The following HIKESHI variants were observed in gnomAD, a reference collection of about 807,000 sequenced individuals.
HIKESHI encodes protein Hikeshi.
Under a neutral mutation model 25.7 loss-of-function variants are expected in HIKESHI, and 13 were observed. That is an observed-to-expected ratio of 0.51 (90% confidence interval 0.33 to 0.80). The LOEUF (loss-of-function observed/expected upper bound fraction) is 0.80. Ranked by LOEUF, HIKESHI falls within the 30% of genes least tolerant of loss-of-function variation. The pLI, the probability that HIKESHI is intolerant of heterozygous loss-of-function variation, is 0.02. For synonymous variants in HIKESHI, 76 were observed against 78.7 expected (o/e 0.97, Z 0.18); for missense variants, 174 against 229.5 (o/e 0.76, Z 1.56).
intron 2 of HIKESHI, among the ~76,000 whole-genome samples, chr11:86,321,478 T>C (rs1209535011): frequency 6.6e-6 from 1 of 152,188 alleles, no homozygotes; most frequent in Non-Finnish European, 1.5e-5. Context: ...AGTAATTAAA[T>C]GTTTTACCTT....
chr11:86,316,985 G>T (rs1195052000), intron 2 of HIKESHI, among the ~76,000 whole-genome samples: 1 of 151,406 alleles, frequency 6.6e-6, no homozygotes, highest in Admixed American at 6.6e-5. Flanking sequence ...GTAGAGGCAG[G>T]GTTCCACCTT....
At chr11:86,336,613 T>C (rs886945733) in intron 2 of HIKESHI, among the ~76,000 whole-genome samples, 6 of 152,196 alleles carry the variant, frequency 3.9e-5, no homozygotes, top group African/African-American at 1.2e-4. Flanking sequence ...AAATTTCCGA[T>C]GTTTATAAGC....
intron 2 of HIKESHI, among the ~76,000 whole-genome samples, chr11:86,313,482 T>G (rs1234151738): frequency 6.6e-6 from 1 of 152,188 alleles, no homozygotes; most frequent in Non-Finnish European, 1.5e-5. Context: ...TCCACCCACC[T>G]CAGCCTCCCA....
At chr11:86,319,241 TA>T (rs1322051542) in intron 2 of HIKESHI, among the ~76,000 whole-genome samples, 2,435 of 83,466 alleles carry the variant, frequency 0.029, 31 homozygotes, top group African/African-American at 0.05. Context: ...TATATATATA[TA>T]TTTTTTTTTT....
intron 2 of HIKESHI, among the ~76,000 whole-genome samples, chr11:86,331,014 T>C (rs1327034202): frequency 6.6e-6 from 1 of 152,188 alleles, no homozygotes; most frequent in Non-Finnish European, 1.5e-5. Context: ...GACCTTTAAT[T>C]ACAGAGGAGA....
chr11:86,344,773 T>G lies in HIKESHI; in HGVS notation c.539+52T>G, dbSNP rs112125595. On this transcript the variant is annotated intron_variant, in intron 4 of 4. Transcript: ENST00000278483. ...TTAAGGCTTTTTATAACTGAATATCTATTTTGTCTATGAATATATTCCTTT... is the reference window on the plus strand; with the variant it reads ...TTAAGGCTTTTTATAACTGAATATCGATTTTGTCTATGAATATATTCCTTT... 7.3e-4 allele frequency: 853 copies of G among 1,162,864 alleles called. 4 individuals are homozygous for G. The African/African-American group carries it at 0.012, about 16-fold the overall frequency. The allele number at this position is 1,162,864 out of a possible 1,614,324, so 72.0% of individuals were successfully genotyped here. A position where few individuals can be genotyped will look rare whatever the true frequency, so the allele number is the denominator to read the frequency against.
intron 1 of HIKESHI, among the ~76,000 whole-genome samples, chr11:86,304,333 A>C (rs1015512381): frequency 1.3e-5 from 2 of 152,126 alleles, no homozygotes; most frequent in Admixed American, 1.3e-4. Context: ...GCCTTCTTGC[A>C]CTTAGGAAGA....
chr11:86,339,145 A>C (rs1947649878), intron 3 of HIKESHI, among the ~76,000 whole-genome samples: 8 of 152,136 alleles, frequency 5.3e-5, no homozygotes, highest in Admixed American at 5.2e-4. Flanking sequence ...TCCTGGGTTC[A>C]CGCCATTCTC....
intron 2 of HIKESHI, among the ~76,000 whole-genome samples, chr11:86,322,722 T>A (rs933512437): frequency 1.3e-5 from 2 of 152,226 alleles, no homozygotes. Flanking sequence ...GAGGTTTTAA[T>A]AGTTTTAGAT....
chr11:86,344,102 T>G (rs2138437359), intron 3 of HIKESHI: 1 of 152,408 alleles, frequency 6.6e-6, no homozygotes, highest in Middle Eastern at 3.4e-3. Flanking sequence ...ATGTAAACTC[T>G]TATCTTTCTG....
At chr11:86,337,669 T>C (rs1396323578) in intron 3 of HIKESHI, 139 bp downstream of exon 3, 3 of 1,056,860 alleles carry the variant, frequency 2.8e-6, no homozygotes, top group Non-Finnish European at 2.6e-6. Flanking sequence ...TTTTATTTTG[T>C]TTTTGAGAGA....
intron 3 of HIKESHI, among the ~76,000 whole-genome samples, chr11:86,339,284 G>A (rs1947656890): frequency 6.6e-6 from 1 of 152,258 alleles, no homozygotes; most frequent in East Asian, 1.9e-4. Flanking sequence ...TCCTGACCTC[G>A]TTATCCGCCT....
intron 3 of HIKESHI, among the ~76,000 whole-genome samples, chr11:86,338,375 G>C (rs1291052475): frequency 6.6e-6 from 1 of 152,022 alleles, no homozygotes; most frequent in African/African-American, 2.4e-5. Context: ...TCCTTGAGTA[G>C]AAAATAGCAG....
At position 86,327,535 on chromosome 11, in the gene HIKESHI, C is replaced by T. The variant is rs148575981; in HGVS notation, c.269-9844C>T. ...TTCGCCTTCTTAGCCAGGATGGTCTCGATCTCCTGACCTCGTGATCCACTC... is the reference window on the plus strand; with the variant it reads ...TTCGCCTTCTTAGCCAGGATGGTCTTGATCTCCTGACCTCGTGATCCACTC... On this transcript the variant is annotated intron_variant, in intron 2 of 4. Coordinates refer to ENST00000278483, the MANE Select transcript of HIKESHI (RefSeq NM_016401.4). Among the ~76,000 whole-genome samples, 705 of 152,124 alleles carry T rather than the reference C, an allele frequency of 4.6e-3. 5 individuals carry two copies. Among genetic ancestry groups the T allele is most frequent in the African/African-American group, 0.016 (665 of 41,504 alleles).
intron 2 of HIKESHI, among the ~76,000 whole-genome samples, chr11:86,308,251 A>G (rs1565720431): frequency 8.7e-6 from 1 of 114,972 alleles, no homozygotes; most frequent in African/African-American, 3.9e-5. Context: ...TATAAAATAT[A>G]TATTACATAT....
intron 1 of HIKESHI, chr11:86,303,306 C>CT (rs928659117): frequency 2.4e-5 from 16 of 656,090 alleles, no homozygotes; most frequent in South Asian, 6.8e-5. Flanking sequence ...GCTGAATTGT[C>CT]TTTTTTTCCC....
Position 86,345,748 on chromosome 11 carries a change from T to C in HIKESHI, c.*110T>C, listed in dbSNP as rs554688500. On this transcript the variant is annotated 3_prime_UTR_variant, in exon 5 of 5. Coordinates refer to ENST00000278483, the MANE Select transcript of HIKESHI (RefSeq NM_016401.4). ...GATCACGAAACCTAAGTTTAAAAAC[T>C]GCTTAGAGACTGAAGCTTAATTAAA... 9 of 529,300 alleles carry C rather than the reference T, an allele frequency of 1.7e-5. No homozygotes were observed. In the South Asian group the frequency reaches 3.3e-4, roughly 20 times the overall value. 32.8% of individuals were successfully genotyped at this position (529,300 alleles called of 1,614,324 possible).
intron 2 of HIKESHI, among the ~76,000 whole-genome samples, chr11:86,336,216 G>A (rs1307567181): frequency 6.6e-6 from 1 of 152,158 alleles, no homozygotes; most frequent in Non-Finnish European, 1.5e-5. Context: ...TTAGAGACCT[G>A]TGAGACACCC....
At chr11:86,320,612 C>T (rs1392085917) in intron 2 of HIKESHI, among the ~76,000 whole-genome samples, 1 of 152,136 alleles carries the variant, frequency 6.6e-6, no homozygotes, top group African/African-American at 2.4e-5. Flanking sequence ...TTTTTATTAA[C>T]AGATTGTGGT....
Sources: allele counts gnomAD v4.1 joint callset (sites outside exome capture counted in the v4.1 genomes callset), GRCh38; gene constraint gnomAD v4.1.1; transcripts MANE v1.5; gene names NCBI Gene and HGNC (gene_info 2026-07-23, HGNC 2026-07-21).